The following FNDC3A variants were observed in gnomAD, a reference collection of about 807,000 sequenced individuals.
FNDC3A encodes fibronectin type-III domain-containing protein 3A.
A neutral mutation model predicts 148.9 loss-of-function variants in FNDC3A; 32 were observed. The observed-to-expected ratio is 0.21, with a 90% CI of 0.16 to 0.29. The LOEUF (loss-of-function observed/expected upper bound fraction) is 0.29. Among genes scored for constraint, FNDC3A ranks in the 10% least tolerant of loss-of-function variants. The pLI, the probability that FNDC3A is intolerant of heterozygous loss-of-function variation, is 1.00. For missense variants in FNDC3A, 1,191 were observed against 1,452.8 expected, an observed-to-expected ratio of 0.82 and a Z score of 2.93; for synonymous variants, 472 against 473.6, an observed-to-expected ratio of 1.00 and a Z score of 0.04.
At chr13:49,082,740 G>C (rs1878560516) in intron 3 of FNDC3A, among the ~76,000 whole-genome samples, 1 of 152,000 alleles carries the variant, frequency 6.6e-6, no homozygotes, top group South Asian at 2.1e-4. Flanking sequence ...TAGGGAGTTA[G>C]AGCCCAAGCA....
At chr13:49,169,802 T>C (rs1884661141) in intron 10 of FNDC3A, among the ~76,000 whole-genome samples, 1 of 152,204 alleles carries the variant, frequency 6.6e-6, no homozygotes, top group Admixed American at 6.5e-5. Flanking sequence ...TTAGATACTT[T>C]TGTAGTCAAA....
chr13:49,009,684 C>A, intron 2 of FNDC3A, among the ~76,000 whole-genome samples: 1 of 152,166 alleles, frequency 6.6e-6, no homozygotes, highest in East Asian at 1.9e-4. Flanking sequence ...ACATAAGCTT[C>A]AAGCAAAAGT....
Position 49,198,172 on chromosome 13 carries a change from C to T in FNDC3A, c.2681C>T (p.Ala894Val), listed in dbSNP as rs201233104. 8.7e-6 allele frequency: 14 copies of T among 1,614,064 alleles called. No individual in the cohort carries two copies. In the Admixed American group the frequency reaches 1.3e-4, roughly 15 times the overall value. ...KPCDHGSEIL[A>V]YSIDFGDKQS... Reference sequence around the variant, plus strand: ...TGTGATCATGGTTCGGAAATCCTTGCCTACAGCATAGACTTTGGAGATAAA... The same window carrying T: ...TGTGATCATGGTTCGGAAATCCTTGTCTACAGCATAGACTTTGGAGATAAA... Residue 894 changes from alanine to valine, a missense_variant, in exon 22 of 26, where the codon GCC (alanine) becomes GTC (valine). This residue lies in a region of FNDC3A where 751 missense variants were observed against 944.0 expected (regional missense o/e 0.80). Transcript: ENST00000492622.
In FNDC3A at chr13:49,175,313, C is replaced by A. The variant is rs563000961; in HGVS notation, c.1356-54C>A. 81 of 1,301,118 alleles carry A rather than the reference C, an allele frequency of 6.2e-5. No individual in the cohort carries two copies. The South Asian group carries it at 1.2e-3, about 19-fold the overall frequency. The allele number at this position is 1,301,118 out of a possible 1,614,324, so 80.6% of individuals were successfully genotyped here. A position where few individuals can be genotyped will look rare whatever the true frequency, so the allele number is the denominator to read the frequency against. On this transcript the variant is annotated intron_variant, in intron 12 of 25. Coordinates refer to ENST00000492622, the MANE Select transcript of FNDC3A (RefSeq NM_001079673.2). Reference sequence around the variant, plus strand: ...AAATTACATCTGTCACAAACTTGTTCTTTCACTGTAAAAATAACTTTTTCA... The same window carrying A: ...AAATTACATCTGTCACAAACTTGTTATTTCACTGTAAAAATAACTTTTTCA...
intron 19 of FNDC3A, 145 bp from the exon 20 acceptor site, chr13:49,196,732 G>A: frequency 2.1e-6 from 1 of 476,398 alleles, no homozygotes. Context: ...TTTAGTTAAT[G>A]TGAATACTTA....
intron 1 of FNDC3A, among the ~76,000 whole-genome samples, chr13:48,997,368 A>G (rs1952042449): frequency 6.6e-6 from 1 of 152,234 alleles, no homozygotes; most frequent in African/African-American, 2.4e-5. Flanking sequence ...ATAAGGAAAC[A>G]AGAACAGATT....
intron 6 of FNDC3A, among the ~76,000 whole-genome samples, chr13:49,136,934 G>A (rs1378695134): frequency 1.3e-5 from 2 of 151,656 alleles, no homozygotes; most frequent in African/African-American, 4.8e-5. Flanking sequence ...AGGCTGGAGT[G>A]GCACGATCAT....
Position 49,168,662 on chromosome 13 carries a change from A to C in FNDC3A, c.1087A>C (p.Ile363Leu). ...SIKGTPSEAE[I>L]FTTLSCEPDI... is the part of the protein sequence containing the mutation. Reference sequence around the variant, plus strand: ...AAAGGGAACTCCTTCAGAGGCTGAAATCTTTACCACCTTGAGCTGTGAACC... The same window carrying C: ...AAAGGGAACTCCTTCAGAGGCTGAACTCTTTACCACCTTGAGCTGTGAACC... The change falls in exon 10 of 26, where the codon ATC becomes CTC. Residue 363 changes from isoleucine to leucine, a missense_variant. Ile to Leu is a conservative substitution (Grantham distance 5, BLOSUM62 2). Coordinates refer to ENST00000492622, the MANE Select transcript of FNDC3A (RefSeq NM_001079673.2). 1.2e-6 allele frequency: 2 copies of C among 1,612,620 alleles called. No homozygotes were observed. The highest frequency in any genetic ancestry group is 1.1e-5 in the South Asian group (1 of 91,064).
Position 49,094,208 on chromosome 13 carries a change from A to G in FNDC3A, c.175+18844A>G, listed in dbSNP as rs549096051. On this transcript the variant is annotated intron_variant, in intron 3 of 25. Coordinates refer to ENST00000492622, the MANE Select transcript of FNDC3A (RefSeq NM_001079673.2). The stretch of plus-strand genomic sequence containing the variant: ...CAATTGGTTTTAAGATATTTTTGCT[A>G]AAGATGATATTATTAGAGTTAATAA... Among the ~76,000 whole-genome samples the G allele has an allele frequency of 2.6e-4, 39 of 152,178 alleles. 1 individual carries two copies. The South Asian group carries it at 8.1e-3, about 32-fold the overall frequency.
intron 1 of FNDC3A, among the ~76,000 whole-genome samples, chr13:48,999,060 C>T (rs894022694): frequency 6.6e-6 from 1 of 152,218 alleles, no homozygotes; most frequent in Non-Finnish European, 1.5e-5. Context: ...CTGCTTCCAC[C>T]TCAGCTTTAA....
chr13:49,144,174 G>A (rs1362488461), intron 7 of FNDC3A, among the ~76,000 whole-genome samples: 3 of 151,760 alleles, frequency 2.0e-5, no homozygotes, highest in Admixed American at 1.3e-4. Context: ...ATACATACAT[G>A]TATAGTAGCA....
At chr13:49,069,406 A>T (rs1387932998) in intron 2 of FNDC3A, among the ~76,000 whole-genome samples, 1 of 151,870 alleles carries the variant, frequency 6.6e-6, no homozygotes, top group South Asian at 2.1e-4. Flanking sequence ...TATATTTCTC[A>T]CCCTTCCCGT....
At chr13:49,203,611 T>G (rs1435501127) in intron 25 of FNDC3A, among the ~76,000 whole-genome samples, 1 of 152,142 alleles carries the variant, frequency 6.6e-6, no homozygotes, top group Non-Finnish European at 1.5e-5. Flanking sequence ...TGACAATATA[T>G]TGTCAGATAT....
At chr13:49,019,677 C>T (rs113503446) in intron 2 of FNDC3A, among the ~76,000 whole-genome samples, 98 of 152,304 alleles carry the variant, frequency 6.4e-4, no homozygotes, top group African/African-American at 2.0e-3. Flanking sequence ...TGGCTAAACC[C>T]AATTTCATTG....
intron 2 of FNDC3A, among the ~76,000 whole-genome samples, chr13:49,049,963 A>G (rs762083740): frequency 7.2e-5 from 11 of 151,836 alleles, no homozygotes; most frequent in Non-Finnish European, 1.0e-4. Flanking sequence ...CAGGTGATCC[A>G]CCCCTCTTGG....
intron 10 of FNDC3A, among the ~76,000 whole-genome samples, chr13:49,171,172 T>C (rs1472377887): frequency 6.6e-6 from 1 of 152,170 alleles, no homozygotes; most frequent in Non-Finnish European, 1.5e-5. Context: ...AAAAAATTAA[T>C]GTAAGATCTG....
intron 1 of FNDC3A, among the ~76,000 whole-genome samples, chr13:49,000,877 A>C (rs1952111464): frequency 6.6e-6 from 1 of 152,110 alleles, no homozygotes; most frequent in Non-Finnish European, 1.5e-5. Flanking sequence ...TCATTGTTAT[A>C]TATAGAAACA....
At chr13:48,981,876 A>G (rs983902635) in intron 1 of FNDC3A, among the ~76,000 whole-genome samples, 10 of 152,142 alleles carry the variant, frequency 6.6e-5, no homozygotes, top group Admixed American at 4.6e-4. Flanking sequence ...CTCAGAATCC[A>G]TATTTTAATA....
At chr13:49,016,812 C>T (rs922050140) in intron 2 of FNDC3A, among the ~76,000 whole-genome samples, 10 of 151,972 alleles carry the variant, frequency 6.6e-5, no homozygotes, top group African/African-American at 1.7e-4. Flanking sequence ...TCTTTGTTCT[C>T]GTTGGTTTCA....
Sources: gnomAD v4.1 joint callset for allele counts (sites outside exome capture counted in the v4.1 genomes callset) on GRCh38, gnomAD v4.1.1 for gene constraint, gnomAD v4.1.1 regional missense constraint, MANE v1.5 for transcripts, NCBI Gene and HGNC (gene_info 2026-07-23, HGNC 2026-07-21) for gene names.